The following SEPTIN6 variants were observed in gnomAD, a reference collection of about 807,000 sequenced individuals.
SEPTIN6 encodes the protein septin 6, also known as septin-6.
In SEPTIN6, 8 loss-of-function variants were observed where a neutral mutation model predicts 33.6. The observed-to-expected ratio is 0.24, with a 90% confidence interval of 0.14 to 0.43. SEPTIN6 has a LOEUF of 0.43. Among genes scored for constraint, SEPTIN6 ranks in the 20% least tolerant of loss-of-function variants. The probability of loss-of-function intolerance (pLI) is 1.00; values close to 1 mark genes in which losing one functional copy is unlikely to be tolerated. For missense variants in SEPTIN6, 250 were observed against 340.8 expected (o/e 0.73, Z 2.10); for synonymous variants, 131 against 140.0 (o/e 0.94, Z 0.45).
chrX:119,646,168 AC>A (rs2054253881), intron 5 of SEPTIN6, among the ~76,000 whole-genome samples: 1 of 111,492 alleles, frequency 9.0e-6, no homozygotes, highest in African/African-American at 3.3e-5. Context: ...TGGTGACTGA[AC>A]AAGACCATTG....
chrX:119,677,919 T>C, intron 1 of SEPTIN6, among the ~76,000 whole-genome samples: 1 of 112,841 alleles, frequency 8.9e-6, no homozygotes, highest in East Asian at 2.8e-4. Context: ...TGGTGTATTC[T>C]CTGCCCCAGG....
chrX:119,653,590 T>C (rs1487154598), intron 3 of SEPTIN6, among the ~76,000 whole-genome samples: 1 of 112,218 alleles, frequency 8.9e-6, no homozygotes, highest in Non-Finnish European at 1.9e-5. Context: ...TATCTCGCCC[T>C]ACAGTGCCTA....
chrX:119,630,265 G>T (rs2053937036), intron 8 of SEPTIN6, among the ~76,000 whole-genome samples: 1 of 112,097 alleles, frequency 8.9e-6, no homozygotes, highest in Non-Finnish European at 1.9e-5. Flanking sequence ...GAAACAGAAG[G>T]TCTGAGAAGT....
At chrX:119,680,021 C>T (rs1159240129) in intron 1 of SEPTIN6, among the ~76,000 whole-genome samples, 1 of 110,313 alleles carries the variant, frequency 9.1e-6, no homozygotes, top group Non-Finnish European at 1.9e-5. Context: ...TTAATGGGGA[C>T]GATGAGGAGA....
At chrX:119,643,999 C>A (rs2054200572) in intron 5 of SEPTIN6, among the ~76,000 whole-genome samples, 1 of 111,286 alleles carries the variant, frequency 9.0e-6, no homozygotes, top group Non-Finnish European at 1.9e-5. Flanking sequence ...GAGCAGATAC[C>A]CACCCTCCCC....
At chrX:119,620,608 T>C (rs765393459) in intron 10 of SEPTIN6, among the ~76,000 whole-genome samples, 80 of 108,799 alleles carry the variant, frequency 7.4e-4, no homozygotes, top group African/African-American at 2.1e-3. Context: ...CGTGAGCCAC[T>C]GCACCCGGCT....
intron 2 of SEPTIN6, among the ~76,000 whole-genome samples, chrX:119,674,476 C>T (rs186925351): frequency 1.8e-5 from 2 of 112,235 alleles, no homozygotes; most frequent in African/African-American, 6.5e-5. Flanking sequence ...CGTGCCCGGC[C>T]GAAGATATTC....
chrX:119,618,052 GC>G lies in SEPTIN6; in HGVS notation c.*2040del. On this transcript the variant is annotated 3_prime_UTR_variant, in exon 11 of 11. Transcript: ENST00000394610. ...TTAAGCGTGAATTTCTGGGAAAGCA[GC>G]TCTGAAGCTGGACATAGAATCATCA... 5.0e-6 allele frequency: 4 copies of G among 806,004 alleles called. No individual in the cohort carries two copies. The highest frequency in any genetic ancestry group is 6.0e-6 in the Non-Finnish European group (4 of 671,251). The allele number at this position is 806,004 out of a possible 1,213,427, so 66.4% of individuals were successfully genotyped here.
chrX:119,681,159 G>A (rs1483691109), intron 1 of SEPTIN6, among the ~76,000 whole-genome samples: 2 of 110,663 alleles, frequency 1.8e-5, no homozygotes, highest in Non-Finnish European at 3.8e-5. Flanking sequence ...ACACAACATT[G>A]AACTGAATGT....
rs762691835 is a variant in SEPTIN6 at position 119,644,930 on chromosome X, A to T, written c.691-4142T>A. ...ACATTTTTTTTTTTTTTTTAAGATG[A>T]GAGTTTCGCTCTTGTTGCCCAGGCT... On this transcript the variant is annotated intron_variant, in intron 5 of 10. Coordinates refer to ENST00000394610, the MANE Select transcript of SEPTIN6 (RefSeq NM_145799.4). Among the ~76,000 whole-genome samples, 4 of 103,390 alleles carry T rather than the reference A, an allele frequency of 3.9e-5. No individual in the cohort carries two copies. In the East Asian group the frequency reaches 1.2e-3, roughly 32 times the overall value. 89.8% of individuals were successfully genotyped at this position (103,390 alleles called of 115,157 possible).
chrX:119,691,921 G>A (rs2055179187), intron 1 of SEPTIN6, among the ~76,000 whole-genome samples: 1 of 111,322 alleles, frequency 9.0e-6, no homozygotes, highest in Non-Finnish European at 1.9e-5. Context: ...TCGGGGTGCT[G>A]GTGGGCTTAT....
chrX:119,633,338 T>C, intron 8 of SEPTIN6, 22 bp downstream of exon 8: 1 of 1,188,146 alleles, frequency 8.4e-7, no homozygotes, highest in Non-Finnish European at 1.1e-6. Context: ...GACATTTTAA[T>C]AATCACCAGG....
At chrX:119,625,461 G>T (rs2053843921) in intron 9 of SEPTIN6, 82 bp from the exon 10 acceptor site, 1 of 934,505 alleles carries the variant, frequency 1.1e-6, no homozygotes, top group African/African-American at 1.9e-5. Flanking sequence ...ACAATGAAGG[G>T]TTAGAGGTCA....
At chrX:119,656,826 C>T (rs56364336) in intron 3 of SEPTIN6, among the ~76,000 whole-genome samples, 8,942 of 110,856 alleles carry the variant, frequency 0.081, 318 homozygotes, top group South Asian at 0.11. Flanking sequence ...GCGGAGGTTG[C>T]GGTGAGCCAA....
At chrX:119,654,877 C>G (rs1448463523) in intron 3 of SEPTIN6, among the ~76,000 whole-genome samples, 2 of 111,226 alleles carry the variant, frequency 1.8e-5, no homozygotes, top group Non-Finnish European at 3.8e-5. Context: ...ATCAAAGAAT[C>G]TCTTGGTTGC....
rs770240192 is a variant in SEPTIN6 at position 119,652,779 on chromosome X, C to T, written c.528+75G>A. 6.2e-5 allele frequency: 56 copies of T among 900,163 alleles called. 1 individual carries two copies. The highest frequency in any genetic ancestry group is 8.1e-5 in the Non-Finnish European group (52 of 640,091). 74.2% of individuals were successfully genotyped at this position (900,163 alleles called of 1,213,427 possible). A position where few individuals can be genotyped will look rare whatever the true frequency, so the allele number is the denominator to read the frequency against. ...GGATGAGGATGCCACAAATCTCTCC[C>T]GGAATCCCACATCTACTTTGCACAA... On this transcript the variant is annotated intron_variant, in intron 4 of 10. Transcript: ENST00000394610.
At chrX:119,629,201 C>G (rs2053913820) in intron 9 of SEPTIN6, 117 bp downstream of exon 9, 2 of 684,266 alleles carry the variant, frequency 2.9e-6, no homozygotes, top group South Asian at 2.7e-5. Context: ...ACCAGTCTGA[C>G]AGCCCACAGC....
At chrX:119,679,750 C>T (rs1455306063) in intron 1 of SEPTIN6, among the ~76,000 whole-genome samples, 1 of 111,626 alleles carries the variant, frequency 9.0e-6, no homozygotes, top group African/African-American at 3.3e-5. Context: ...CCCAGCCACT[C>T]AGGAGGCTGA....
At chrX:119,641,422 C>T (rs1323175120) in intron 5 of SEPTIN6, among the ~76,000 whole-genome samples, 1 of 112,184 alleles carries the variant, frequency 8.9e-6, no homozygotes, top group African/African-American at 3.2e-5. Flanking sequence ...AGAAGACACG[C>T]TCCCTCGCCC....
Sources: allele counts gnomAD v4.1 joint callset (sites outside exome capture counted in the v4.1 genomes callset), GRCh38; gene constraint gnomAD v4.1.1; transcripts MANE v1.5; gene names NCBI Gene and HGNC (gene_info 2026-07-23, HGNC 2026-07-21).